BNC2: variants seen among roughly 807,000 people sequenced by gnomAD.
BNC2 encodes basonuclin zinc finger protein 2, also known as zinc finger protein basonuclin-2.
A neutral mutation model predicts 76.3 loss-of-function variants in BNC2; 20 were observed. The ratio of observed to expected loss-of-function variants is 0.26; its 90% CI spans 0.18 to 0.38. The LOEUF (loss-of-function observed/expected upper bound fraction) is 0.38. Among genes scored for constraint, BNC2 ranks in the 10% least tolerant of loss-of-function variants. The pLI is 1.00. For missense variants in BNC2, 1,382 were observed against 1,399.8 expected, an observed-to-expected ratio of 0.99 and a Z score of 0.20; for synonymous variants, 582 against 514.8, an observed-to-expected ratio of 1.13 and a Z score of -1.77.
rs147759625 is a variant in BNC2, at chr9:16,749,114, G to C, written c.4-10629C>G. Among the ~76,000 whole-genome samples, 9 of 152,032 alleles carry C rather than the reference G, an allele frequency of 5.9e-5. No individual in the cohort carries two copies. In the East Asian group the frequency reaches 1.6e-3, roughly 26 times the overall value. ...CATTCTCCAGGATGCTCAAAGCACA[G>C]TTCCTGCCTGCTTTTCAACTGTGCT... On this transcript the variant is annotated intron_variant, in intron 1 of 6. Coordinates refer to ENST00000380672, the MANE Select transcript of BNC2 (RefSeq NM_017637.6).
intron 6 of BNC2, among the ~76,000 whole-genome samples, chr9:16,428,546 G>T (rs1162837902): frequency 6.6e-6 from 1 of 152,136 alleles, no homozygotes; most frequent in Non-Finnish European, 1.5e-5. Context: ...TATACATTAC[G>T]TGGATGAATT....
At chr9:16,730,360 C>T (rs1371753935) in intron 2 of BNC2, among the ~76,000 whole-genome samples, 3 of 152,112 alleles carry the variant, frequency 2.0e-5, no homozygotes, top group Non-Finnish European at 4.4e-5. Flanking sequence ...GAGAAATGTG[C>T]TCAAAGCAAG....
At chr9:16,750,505 C>T (rs1323701759) in intron 1 of BNC2, among the ~76,000 whole-genome samples, 1 of 152,170 alleles carries the variant, frequency 6.6e-6, no homozygotes, top group Admixed American at 6.5e-5. Flanking sequence ...TACATTTGAC[C>T]AGTAGATCAT....
At chr9:16,589,142 G>A (rs10733312) in intron 3 of BNC2, among the ~76,000 whole-genome samples, 130,723 of 152,108 alleles carry the variant, frequency 0.86, 57,353 homozygotes, top group East Asian at 1. Context: ...CCCTTCATGG[G>A]TTCATTAACC....
At chr9:16,526,774 T>C (rs1329629627) in intron 5 of BNC2, among the ~76,000 whole-genome samples, 1 of 152,146 alleles carries the variant, frequency 6.6e-6, no homozygotes, top group Non-Finnish European at 1.5e-5. Flanking sequence ...TTCACATAAA[T>C]TTATTGAGAT....
chr9:16,667,100 C>T (rs1822318597), intron 3 of BNC2, among the ~76,000 whole-genome samples: 1 of 151,632 alleles, frequency 6.6e-6, no homozygotes, highest in Non-Finnish European at 1.5e-5. Flanking sequence ...CACACACACA[C>T]ACACACACGC....
chr9:16,575,148 G>C, intron 4 of BNC2: 1 of 423,506 alleles, frequency 2.4e-6, no homozygotes, highest in South Asian at 9.9e-5. Flanking sequence ...TGACAGAACA[G>C]AGAGATTATA....
At chr9:16,625,791 AG>A (rs1820978168) in intron 3 of BNC2, 1 of 152,230 alleles carries the variant, frequency 6.6e-6, no homozygotes, top group African/African-American at 2.4e-5. Context: ...CACTATAAAA[AG>A]ACAGCCAACA....
rs555662573 is a variant in BNC2 at position 16,639,963 on chromosome 9, C to T, written c.331-56878G>A. 5.3e-5 allele frequency among the ~76,000 whole-genome samples: 8 copies of T among 152,082 alleles called. 1 individual carries two copies. The South Asian group carries it at 1.7e-3, about 32-fold the overall frequency. ...TCCAAAGTGGATTACATTTTTTCCC[C>T]CATTAGTGACAGACAGCTTGAGGGA... is the stretch of plus-strand genomic sequence containing the variant. On this transcript the variant is annotated intron_variant, in intron 3 of 6. Coordinates refer to ENST00000380672, the MANE Select transcript of BNC2 (RefSeq NM_017637.6).
intron 5 of BNC2, among the ~76,000 whole-genome samples, chr9:16,511,610 G>A (rs1456750514): frequency 4.0e-5 from 6 of 151,384 alleles, no homozygotes; most frequent in Non-Finnish European, 8.8e-5. Context: ...GTATTTTTTT[G>A]TAGAGACGGG....
In BNC2 at chr9:16,768,677, CAG is replaced by C. The variant is rs1181248166; in HGVS notation, c.4-30194_4-30193del. 1.3e-5 allele frequency among the ~76,000 whole-genome samples: 2 copies of C among 152,230 alleles called. 1 individual carries two copies. Among genetic ancestry groups the C allele is most frequent in the African/African-American group, 4.8e-5 (2 of 41,530 alleles). ...ACAGACAAGCAGCTGGGATAGGTACCAGAGAGACAGAGAAGTGGTCCCTACCC... is the reference window on the plus strand; with the variant it reads ...ACAGACAAGCAGCTGGGATAGGTACCAGAGACAGAGAAGTGGTCCCTACCC... On this transcript the variant is annotated intron_variant, in intron 1 of 6. Transcript: ENST00000380672.
At chr9:16,426,029 A>G (rs1820798649) in intron 6 of BNC2, among the ~76,000 whole-genome samples, 1 of 152,218 alleles carries the variant, frequency 6.6e-6, no homozygotes, top group African/African-American at 2.4e-5. Flanking sequence ...TGAGTGTTAC[A>G]CTGTGAACAG....
chr9:16,852,666 A>G (rs913741065), intron 1 of BNC2, among the ~76,000 whole-genome samples: 1 of 152,174 alleles, frequency 6.6e-6, no homozygotes, highest in African/African-American at 2.4e-5. Context: ...GTGAAGAAAA[A>G]AATCAGGGTA....
At chr9:16,754,904 T>C (rs1825335890) in intron 1 of BNC2, among the ~76,000 whole-genome samples, 1 of 152,162 alleles carries the variant, frequency 6.6e-6, no homozygotes, top group South Asian at 2.1e-4. Context: ...ACTAAGATCA[T>C]TATTAAATGC....
chr9:16,679,422 T>C (rs772417684), intron 3 of BNC2, among the ~76,000 whole-genome samples: 1 of 152,262 alleles, frequency 6.6e-6, no homozygotes, highest in African/African-American at 2.4e-5. Context: ...GTTTCACTTC[T>C]ACTCATGAGC....
At chr9:16,483,310 T>A (rs1368057161) in intron 5 of BNC2, among the ~76,000 whole-genome samples, 1 of 152,232 alleles carries the variant, frequency 6.6e-6, no homozygotes, top group Non-Finnish European at 1.5e-5. Context: ...CCTTACATAC[T>A]ATTCCCTTCC....
At chr9:16,723,781 A>G (rs1393465484) in intron 3 of BNC2, among the ~76,000 whole-genome samples, 6 of 152,102 alleles carry the variant, frequency 3.9e-5, no homozygotes, top group African/African-American at 1.4e-4. Flanking sequence ...TTTAATTTTT[A>G]GCTTTCTTGG....
chr9:16,819,508 C>G (rs189120318), intron 1 of BNC2, among the ~76,000 whole-genome samples: 2 of 152,086 alleles, frequency 1.3e-5, no homozygotes, highest in Admixed American at 1.3e-4. Context: ...ACTAAAAATA[C>G]AAAAATTAGC....
chr9:16,667,615 A>G (rs1822339184), intron 3 of BNC2, among the ~76,000 whole-genome samples: 1 of 152,240 alleles, frequency 6.6e-6, no homozygotes, highest in African/African-American at 2.4e-5. Context: ...TAGCCTTTTG[A>G]CAGCATTTTC....
Sources: allele counts gnomAD v4.1 joint callset (sites outside exome capture counted in the v4.1 genomes callset), GRCh38; gene constraint gnomAD v4.1.1; transcripts MANE v1.5; gene names NCBI Gene and HGNC (gene_info 2026-07-23, HGNC 2026-07-21).